Variants in MELK observed in about 807,000 individuals in gnomAD.
MELK encodes the protein pEg3 kinase.
Under a neutral mutation model 85.0 loss-of-function variants are expected in MELK, and 81 were observed. The ratio of observed to expected loss-of-function variants is 0.95; its 90% CI spans 0.80 to 1.15. The LOEUF (loss-of-function observed/expected upper bound fraction) is 1.15. Among genes scored for constraint, MELK ranks in the 50% most tolerant of loss-of-function variants. The pLI, the probability that MELK is intolerant of heterozygous loss-of-function variation, is 0.00. For synonymous variants in MELK, 252 were observed against 265.0 expected (o/e 0.95, Z 0.48); for missense variants, 754 against 777.5 (o/e 0.97, Z 0.36).
chr9:36,607,927 G>A lies in MELK; in HGVS notation c.666+254G>A, dbSNP rs549982093. 9.9e-4 allele frequency among the ~76,000 whole-genome samples: 150 copies of A among 152,220 alleles called. 1 individual carries two copies. The highest frequency in any genetic ancestry group is 3.3e-3 in the African/African-American group (136 of 41,532). On this transcript the variant is annotated intron_variant, in intron 8 of 17. Transcript: ENST00000298048. ...CTTTCTGCGGTCTTAGTTGCCCATG[G>A]TCAACTGCGGTCTGAAAATTGGTGA...
chr9:36,626,176 A>G (rs1252231185), intron 8 of MELK, among the ~76,000 whole-genome samples: 1 of 152,226 alleles, frequency 6.6e-6, no homozygotes, highest in Non-Finnish European at 1.5e-5. Flanking sequence ...CTGGAATGTA[A>G]CAAAGAGCCC....
chr9:36,633,138 T>C lies in MELK; in HGVS notation c.772T>C (p.Leu258=), dbSNP rs949997188. The C allele has an allele frequency of 6.2e-7, 1 of 1,610,628 alleles. No individual in the cohort carries two copies. Among genetic ancestry groups the C allele is most frequent in the Non-Finnish European group, 8.5e-7 (1 of 1,179,332 alleles). Residue 258 remains leucine (L), a synonymous_variant, in exon 10 of 18, where the codon TTG becomes CTG. Transcript: ENST00000298048. ...PKKRISMKNL[L]NHPWIMQDYN... ...GAAACGGATTTCTATGAAAAATCTA[T>C]TGAACCATCCCTGGATCATGCAAGA... is the stretch of plus-strand genomic sequence containing the variant.
chr9:36,665,229 C>A (rs1207614966), intron 13 of MELK, 121 bp from the exon 14 acceptor site: 1 of 635,894 alleles, frequency 1.6e-6, no homozygotes, highest in Non-Finnish European at 2.8e-6. Context: ...TCAATAATAT[C>A]CTTTTGATAA....
chr9:36,600,731 G>C (rs1275490711), intron 7 of MELK, among the ~76,000 whole-genome samples: 2 of 152,142 alleles, frequency 1.3e-5, no homozygotes, highest in East Asian at 3.8e-4. Context: ...TGATCCTTCA[G>C]GAAAGGAACA....
chr9:36,626,625 C>G (rs1346304617), intron 8 of MELK, among the ~76,000 whole-genome samples: 1 of 152,058 alleles, frequency 6.6e-6, no homozygotes, highest in African/African-American at 2.4e-5. Flanking sequence ...ACTCTTCCTC[C>G]CCAGTTCATC....
At chr9:36,628,486 C>G (rs1032773847) in intron 8 of MELK, among the ~76,000 whole-genome samples, 2 of 151,932 alleles carry the variant, frequency 1.3e-5, no homozygotes, top group Admixed American at 6.6e-5. Flanking sequence ...GTGGCGTAAT[C>G]TCAGCTCACT....
intron 17 of MELK, among the ~76,000 whole-genome samples, chr9:36,675,403 T>C (rs1325646281): frequency 6.6e-6 from 1 of 152,266 alleles, no homozygotes; most frequent in African/African-American, 2.4e-5. Context: ...TTATTCTCTT[T>C]TGTTTGGTTC....
chr9:36,577,662 TA>T (rs997523369), intron 1 of MELK, among the ~76,000 whole-genome samples: 5 of 151,622 alleles, frequency 3.3e-5, no homozygotes, highest in African/African-American at 7.3e-5. Context: ...AATTTTTATT[TA>T]TTTTTTTGAG....
rs1286089151 is a variant in MELK, at chr9:36,677,406, C to T, written c.*69C>T. ...CAGCCTACATAAAGACTGTTATGAT[C>T]GCTTTGATTTTAAAGTTCATTGGAA... On this transcript the variant is annotated 3_prime_UTR_variant, in exon 18 of 18. Transcript: ENST00000298048. The T allele has an allele frequency of 2.5e-5, 34 of 1,381,190 alleles. No individual in the cohort carries two copies. The highest frequency in any genetic ancestry group is 2.4e-5 in the Non-Finnish European group (25 of 1,042,324). 85.6% of individuals were successfully genotyped at this position (1,381,190 alleles called of 1,614,324 possible).
Position 36,670,965 on chromosome 9 carries a change from T to C in MELK, c.1506-33T>C, listed in dbSNP as rs779536900. Reference sequence around the variant, plus strand: ...GGACCCCACAGGCCGGAGGCCCAGCTCTACTTGTGCCTTGTTTTATGTTTT... The same window carrying C: ...GGACCCCACAGGCCGGAGGCCCAGCCCTACTTGTGCCTTGTTTTATGTTTT... On this transcript the variant is annotated intron_variant, in intron 15 of 17. Coordinates refer to ENST00000298048, the MANE Select transcript of MELK (RefSeq NM_014791.4). 3.8e-6 allele frequency: 6 copies of C among 1,580,692 alleles called. No individual in the cohort carries two copies. In the Admixed American group the frequency reaches 1.1e-4, roughly 29 times the overall value.
intron 8 of MELK, among the ~76,000 whole-genome samples, chr9:36,613,578 G>C (rs576182911): frequency 3.1e-4 from 47 of 152,302 alleles, no homozygotes; most frequent in African/African-American, 1.1e-3. Context: ...GAGTACAGAT[G>C]GGGGAGTTGT....
At chr9:36,667,581 A>G (rs1232151592) in intron 14 of MELK, among the ~76,000 whole-genome samples, 2 of 152,174 alleles carry the variant, frequency 1.3e-5, no homozygotes, top group African/African-American at 4.8e-5. Flanking sequence ...TATAATCTTG[A>G]AATATTATCA....
intron 1 of MELK, 100 bp from the exon 2 acceptor site, chr9:36,581,544 C>T: frequency 1.6e-6 from 1 of 627,860 alleles, no homozygotes; most frequent in Non-Finnish European, 2.8e-6. Flanking sequence ...TTTTCAGTAT[C>T]ATGTAAATGC....
chr9:36,600,783 T>C (rs1002180882), intron 7 of MELK, among the ~76,000 whole-genome samples: 1 of 152,188 alleles, frequency 6.6e-6, no homozygotes, highest in Non-Finnish European at 1.5e-5. Context: ...GCCTATGGGA[T>C]CCACTTTTGA....
chr9:36,618,240 C>G (rs1298440827), intron 8 of MELK, among the ~76,000 whole-genome samples: 1 of 151,836 alleles, frequency 6.6e-6, no homozygotes, highest in Non-Finnish European at 1.5e-5. Context: ...GAAACCCCAT[C>G]TCTACTAAAA....
chr9:36,625,319 A>G (rs564622676), intron 8 of MELK, among the ~76,000 whole-genome samples: 100 of 152,304 alleles, frequency 6.6e-4, no homozygotes, highest in African/African-American at 2.4e-3. Flanking sequence ...AGACCGGGCA[A>G]ATAAGCAGTT....
intron 8 of MELK, among the ~76,000 whole-genome samples, chr9:36,629,049 T>C (rs1405444615): frequency 1.3e-5 from 2 of 151,768 alleles, no homozygotes; most frequent in Admixed American, 1.3e-4. Context: ...GTATTTTTAG[T>C]AGAAACAAGG....
At chr9:36,582,204 G>T (rs917017980) in intron 2 of MELK, among the ~76,000 whole-genome samples, 1 of 151,942 alleles carries the variant, frequency 6.6e-6, no homozygotes, top group Non-Finnish European at 1.5e-5. Flanking sequence ...TCCTGACCTC[G>T]TGATCCACCC....
intron 8 of MELK, among the ~76,000 whole-genome samples, chr9:36,626,341 T>C (rs1321426488): frequency 1.3e-5 from 2 of 152,162 alleles, no homozygotes; most frequent in African/African-American, 4.8e-5. Flanking sequence ...TCCCCAAACC[T>C]TTATGATTTA....
Sources: gnomAD v4.1 joint callset for allele counts (sites outside exome capture counted in the v4.1 genomes callset) on GRCh38, gnomAD v4.1.1 for gene constraint, MANE v1.5 for transcripts, NCBI Gene and HGNC (gene_info 2026-07-23, HGNC 2026-07-21) for gene names.